RPTOR: variants seen among roughly 807,000 people sequenced by gnomAD.
The protein encoded by RPTOR is regulatory associated protein of MTOR complex 1.
In RPTOR, 21 loss-of-function variants were observed where a neutral mutation model predicts 169.9. The observed-to-expected ratio is 0.12, with a 90% CI of 0.09 to 0.18. The LOEUF (loss-of-function observed/expected upper bound fraction) is 0.18, where lower values mean the gene tolerates loss of function less well. Among genes scored for constraint, RPTOR ranks in the 10% least tolerant of loss-of-function variants. The pLI is 1.00. For synonymous variants in RPTOR, 732 were observed against 753.2 expected (o/e 0.97, Z 0.46); for missense variants, 1,133 against 1,855.9 (o/e 0.61, Z 7.16).
intron 3 of RPTOR, among the ~76,000 whole-genome samples, chr17:80,693,370 G>A (rs1362575860): frequency 1.3e-5 from 2 of 152,210 alleles, no homozygotes; most frequent in Non-Finnish European, 2.9e-5. Flanking sequence ...CGGGTTCATT[G>A]GGGGGATTCT....
intron 1 of RPTOR, among the ~76,000 whole-genome samples, chr17:80,621,184 A>G (rs993069048): frequency 6.6e-6 from 1 of 152,208 alleles, no homozygotes; most frequent in South Asian, 2.1e-4. Flanking sequence ...CAGGAAGACC[A>G]CACTTGCTGA....
At chr17:80,855,593 G>C (rs768083560) in intron 12 of RPTOR, 46 bp downstream of exon 12, 5 of 1,354,576 alleles carry the variant, frequency 3.7e-6, no homozygotes, top group Non-Finnish European at 4.2e-6. Flanking sequence ...AGGTGGGACA[G>C]AGATTAGGCT....
chr17:80,879,091 C>T (rs1598373456), intron 13 of RPTOR, among the ~76,000 whole-genome samples: 1 of 152,154 alleles, frequency 6.6e-6, no homozygotes, highest in Non-Finnish European at 1.5e-5. Context: ...GTGCGCGCCC[C>T]GGAGCAGCCC....
intron 3 of RPTOR, among the ~76,000 whole-genome samples, chr17:80,692,278 C>CGTTAT (rs71367010): frequency 0.07 from 10,250 of 145,396 alleles, 379 homozygotes; most frequent in Middle Eastern, 0.096. Flanking sequence ...TGTCTGGCTA[C>CGTTAT]GTTATGTTAT....
chr17:80,867,537 A>C (rs2068006717), intron 13 of RPTOR, among the ~76,000 whole-genome samples: 1 of 152,238 alleles, frequency 6.6e-6, no homozygotes, highest in Non-Finnish European at 1.5e-5. Context: ...TAGGTAGTAC[A>C]GTGAGTCAAG....
intron 1 of RPTOR, among the ~76,000 whole-genome samples, chr17:80,582,979 G>A (rs2065028023): frequency 6.7e-6 from 1 of 148,222 alleles, no homozygotes; most frequent in Admixed American, 6.7e-5. Context: ...GCAGTGGTGT[G>A]ATCTTGGCTC....
rs774844382 is a variant in RPTOR, at chr17:80,925,363, C to T, written c.2809-7C>T. On this transcript the variant is annotated splice_region_variant and splice_polypyrimidine_tract_variant and intron_variant, in intron 23 of 33. Transcript: ENST00000306801. Reference sequence around the variant, plus strand: ...TTCCTTCCAACCCTCCTGCTTAAACCCTGAAGACTGCGGACGACGCGGACG... The same window carrying T: ...TTCCTTCCAACCCTCCTGCTTAAACTCTGAAGACTGCGGACGACGCGGACG... The T allele has an allele frequency of 6.6e-5, 106 of 1,612,516 alleles. No individual in the cohort carries two copies. Among genetic ancestry groups the T allele is most frequent in the Non-Finnish European group, 8.6e-5 (101 of 1,179,218 alleles).
intron 1 of RPTOR, among the ~76,000 whole-genome samples, chr17:80,556,749 T>C (rs1248360433): frequency 6.6e-6 from 1 of 150,698 alleles, no homozygotes; most frequent in Non-Finnish European, 1.5e-5. Flanking sequence ...CTCATGTGAG[T>C]TTCAGGAGTC....
chr17:80,956,761 G>A (rs1305728250), intron 28 of RPTOR, among the ~76,000 whole-genome samples: 1 of 152,066 alleles, frequency 6.6e-6, no homozygotes, highest in Admixed American at 6.5e-5. Context: ...AGACGTTCCG[G>A]GAAGGCACTG....
chr17:80,865,461 G>T (rs1388990403), intron 13 of RPTOR, among the ~76,000 whole-genome samples: 2 of 152,188 alleles, frequency 1.3e-5, no homozygotes, highest in Non-Finnish European at 2.9e-5. Flanking sequence ...GAAGAGCTCT[G>T]CCATGCAGGC....
chr17:80,699,490 T>A (rs1265823027), intron 3 of RPTOR, among the ~76,000 whole-genome samples: 38 of 123,272 alleles, frequency 3.1e-4, no homozygotes, highest in South Asian at 5.5e-4. Flanking sequence ...GATGGGGAGC[T>A]AGAGGTGCTG....
chr17:80,784,039 C>T (rs2066967028), intron 6 of RPTOR, among the ~76,000 whole-genome samples: 1 of 152,116 alleles, frequency 6.6e-6, no homozygotes, highest in Non-Finnish European at 1.5e-5. Context: ...TGCAGTGGCA[C>T]GATCATAGCT....
chr17:80,698,991 G>A (rs138316967), intron 3 of RPTOR, among the ~76,000 whole-genome samples: 5 of 152,320 alleles, frequency 3.3e-5, no homozygotes, highest in Admixed American at 6.5e-5. Context: ...CATCTGCCTC[G>A]AGCTTATGTG....
chr17:80,611,255 GTTA>G (rs556846624), intron 1 of RPTOR, among the ~76,000 whole-genome samples: 13 of 150,748 alleles, frequency 8.6e-5, no homozygotes, highest in East Asian at 3.9e-4. Context: ...AGTAGCACAT[GTTA>G]TTATTATTAT....
intron 20 of RPTOR, among the ~76,000 whole-genome samples, chr17:80,897,023 G>A (rs1331766072): frequency 6.6e-6 from 1 of 152,234 alleles, no homozygotes; most frequent in Non-Finnish European, 1.5e-5. Context: ...CACTTTGGGA[G>A]GCGGAGGCCG....
At chr17:80,684,873 TCTTC>T (rs1371895892) in intron 3 of RPTOR, among the ~76,000 whole-genome samples, 1 of 152,240 alleles carries the variant, frequency 6.6e-6, no homozygotes, top group East Asian at 1.9e-4. Flanking sequence ...AGGGACTTTC[TCTTC>T]CTTTTTTGAG....
chr17:80,553,077 A>G (rs955215494), intron 1 of RPTOR, among the ~76,000 whole-genome samples: 2 of 152,242 alleles, frequency 1.3e-5, no homozygotes, highest in Admixed American at 1.3e-4. Flanking sequence ...ACAGTGCAAA[A>G]GTGATGAATC....
intron 6 of RPTOR, among the ~76,000 whole-genome samples, chr17:80,786,308 C>G (rs1008235343): frequency 6.6e-6 from 1 of 151,770 alleles, no homozygotes; most frequent in African/African-American, 2.4e-5. Context: ...AAATTTTTCA[C>G]TTTTTTATGG....
chr17:80,691,046 C>T (rs2143740487), intron 3 of RPTOR, among the ~76,000 whole-genome samples: 1 of 152,296 alleles, frequency 6.6e-6, no homozygotes, highest in East Asian at 1.9e-4. Context: ...CTTCCTGCCT[C>T]AGCTTCCCAA....
Sources: gnomAD v4.1 joint callset for allele counts (sites outside exome capture counted in the v4.1 genomes callset) on GRCh38, gnomAD v4.1.1 for gene constraint, MANE v1.5 for transcripts, NCBI Gene and HGNC (gene_info 2026-07-23, HGNC 2026-07-21) for gene names.